BMPR1B: variants seen among roughly 807,000 people sequenced by gnomAD.
The protein encoded by BMPR1B is bone morphogenetic protein receptor type-1B.
A neutral mutation model predicts 59.1 loss-of-function variants in BMPR1B; 12 were observed. That is an observed-to-expected ratio of 0.20 (90% CI 0.13 to 0.33). The LOEUF is 0.33. Ranked by LOEUF, BMPR1B falls within the 10% of genes least tolerant of loss-of-function variation. The pLI, the probability that BMPR1B is intolerant of heterozygous loss-of-function variation, is 1.00. For synonymous variants in BMPR1B, 237 were observed against 207.3 expected, an observed-to-expected ratio of 1.14 and a Z score of -1.23; for missense variants, 550 against 610.9, an observed-to-expected ratio of 0.90 and a Z score of 1.05.
intron 2 of BMPR1B, among the ~76,000 whole-genome samples, chr4:94,938,587 T>C (rs1578825665): frequency 6.6e-6 from 1 of 152,188 alleles, no homozygotes; most frequent in South Asian, 2.1e-4. Context: ...TGTTGAAGCA[T>C]GTTGAATTGA....
chr4:95,051,843 C>T (rs1726528149), intron 3 of BMPR1B: 5 of 1,444,030 alleles, frequency 3.5e-6, no homozygotes, highest in Admixed American at 4.0e-5. Context: ...TGGCTTTTAT[C>T]GCAGAAGGGA....
intron 6 of BMPR1B, 140 bp from the exon 7 acceptor site, chr4:95,123,670 T>A (rs910735792): frequency 2.9e-6 from 2 of 685,762 alleles, no homozygotes; most frequent in Non-Finnish European, 4.9e-6. Flanking sequence ...TATGGGTTTT[T>A]AAAAAATTAA....
At chr4:94,935,406 C>T (rs980145273) in intron 2 of BMPR1B, among the ~76,000 whole-genome samples, 1 of 152,136 alleles carries the variant, frequency 6.6e-6, no homozygotes, top group African/African-American at 2.4e-5. Flanking sequence ...ATGTGTTGTG[C>T]ACATGCCAGG....
intron 10 of BMPR1B, among the ~76,000 whole-genome samples, chr4:95,136,350 G>A (rs1049182746): frequency 2.0e-5 from 3 of 152,134 alleles, no homozygotes; most frequent in Non-Finnish European, 4.4e-5. Flanking sequence ...TGTTCATCAG[G>A]GATATTGGGT....
At chr4:94,986,410 G>T (rs536602081) in intron 2 of BMPR1B, among the ~76,000 whole-genome samples, 1 of 152,110 alleles carries the variant, frequency 6.6e-6, no homozygotes, top group African/African-American at 2.4e-5. Flanking sequence ...TCTCATGAAC[G>T]TAAAGTTTTC....
At chr4:94,926,217 A>G (rs1011016791) in intron 2 of BMPR1B, among the ~76,000 whole-genome samples, 1 of 151,748 alleles carries the variant, frequency 6.6e-6, no homozygotes, top group Non-Finnish European at 1.5e-5. Flanking sequence ...TTTATGAAAA[A>G]TAGGTATGCT....
At chr4:94,950,899 C>G (rs1181534148) in intron 2 of BMPR1B, among the ~76,000 whole-genome samples, 3 of 152,160 alleles carry the variant, frequency 2.0e-5, no homozygotes, top group African/African-American at 7.2e-5. Context: ...AATATTGATT[C>G]TTCCTGTCCA....
rs115100284 is a variant in BMPR1B at position 94,882,343 on chromosome 4, C to T, written c.-113+6443C>T. ...TGTTTTCATATGGGAACAAGTATAG[C>T]TTTGCCTTAATCTTGGAAACAAGAA... On this transcript the variant is annotated intron_variant, in intron 2 of 12. Coordinates refer to ENST00000515059, the MANE Select transcript of BMPR1B (RefSeq NM_001203.3). Among the ~76,000 whole-genome samples, 967 of 152,256 alleles carry T rather than the reference C, an allele frequency of 6.4e-3. 12 individuals are homozygous for T. Among genetic ancestry groups the T allele is most frequent in the African/African-American group, 0.022 (932 of 41,546 alleles).
At chr4:94,916,034 C>T (rs1485395632) in intron 2 of BMPR1B, among the ~76,000 whole-genome samples, 1 of 152,146 alleles carries the variant, frequency 6.6e-6, no homozygotes, top group African/African-American at 2.4e-5. Flanking sequence ...CTCCCTGAGG[C>T]CTCCCAAGAA....
In BMPR1B at chr4:95,157,494, G is replaced by A. The variant is rs1320283169; in HGVS notation, c.*2821G>A. 4.0e-5 allele frequency: 6 copies of A among 151,864 alleles called. No individual in the cohort carries two copies. Among genetic ancestry groups the A allele is most frequent in the African/African-American group, 1.4e-4 (6 of 41,386 alleles). The allele number at this position is 151,864 out of a possible 1,614,324, so 9.4% of individuals were successfully genotyped here. A position where few individuals can be genotyped will look rare whatever the true frequency, so the allele number is the denominator to read the frequency against. On this transcript the variant is annotated 3_prime_UTR_variant, in exon 13 of 13. Coordinates refer to ENST00000515059, the MANE Select transcript of BMPR1B (RefSeq NM_001203.3). ...AATGTTGTTTATTGCTTACTGTCAG[G>A]ACTATTTCAAAGACTAAGAAGAGTT...
chr4:94,970,694 G>A (rs1294249412), intron 2 of BMPR1B, among the ~76,000 whole-genome samples: 2 of 152,028 alleles, frequency 1.3e-5, no homozygotes, highest in East Asian at 3.9e-4. Context: ...GGGTATATGT[G>A]ATATTTTGAT....
chr4:94,902,247 CACAGAGAGAGAG>C (rs1454380246), intron 2 of BMPR1B, among the ~76,000 whole-genome samples: 58 of 84,770 alleles, frequency 6.8e-4, no homozygotes, highest in Middle Eastern at 6.0e-3. Flanking sequence ...CACACACACA[CACAGAGAGAGAG>C]AGAGAGAGAG....
chr4:95,149,939 C>T (rs1306500549), intron 11 of BMPR1B, among the ~76,000 whole-genome samples: 2 of 152,206 alleles, frequency 1.3e-5, no homozygotes, highest in Non-Finnish European at 2.9e-5. Flanking sequence ...ATAATGAGAA[C>T]TGCCTGGCAC....
Position 95,131,331 on chromosome 4 carries a change from A to C in BMPR1B, c.895A>C (p.Lys299Gln), listed in dbSNP as rs762320529. The C allele has an allele frequency of 5.6e-6, 9 of 1,614,094 alleles. No individual in the cohort carries two copies. The highest frequency in any genetic ancestry group is 4.2e-6 in the Non-Finnish European group (5 of 1,180,008). Residue 299 changes from lysine (K) to glutamine (Q), a missense_variant, in exon 10 of 13, where the codon AAA becomes CAA. Transcript: ENST00000515059. ...DYLKSTTLDA[K>Q]SMLKLAYSSV... The stretch of plus-strand genomic sequence containing the variant: ...TCTGAAGTCCACCACCCTAGACGCT[A>C]AATCAATGCTGAAGTTAGCCTACTC...
intron 3 of BMPR1B, among the ~76,000 whole-genome samples, chr4:95,007,909 A>G (rs1722964539): frequency 1.3e-5 from 2 of 152,164 alleles, no homozygotes; most frequent in African/African-American, 4.8e-5. Flanking sequence ...AAAAGTTATG[A>G]GAGTGTTATT....
At chr4:95,027,692 A>T (rs888351336) in intron 3 of BMPR1B, among the ~76,000 whole-genome samples, 7 of 152,184 alleles carry the variant, frequency 4.6e-5, no homozygotes, top group Non-Finnish European at 1.0e-4. Flanking sequence ...ATATAATAGA[A>T]CTGTTTTTAC....
Position 95,041,860 on chromosome 4 carries a change from CT to C in BMPR1B, c.-18+45738del, listed in dbSNP as rs199591225. ...ATCTGAAATACTCCAAAATCCAAAA[CT>C]TTTTTTTTTTTGAGACGGAGTCTTG... On this transcript the variant is annotated intron_variant, in intron 3 of 12. Coordinates refer to ENST00000515059, the MANE Select transcript of BMPR1B (RefSeq NM_001203.3). Among the ~76,000 whole-genome samples the C allele has an allele frequency of 5.6e-4, 82 of 146,368 alleles. 2 individuals carry two copies. The East Asian group carries it at 8.6e-3, about 15-fold the overall frequency.
intron 2 of BMPR1B, among the ~76,000 whole-genome samples, chr4:94,878,699 A>C (rs938752014): frequency 6.7e-6 from 1 of 149,438 alleles, no homozygotes; most frequent in Non-Finnish European, 1.5e-5. Flanking sequence ...AGTCCAAACC[A>C]GTGGCCTCCC....
chr4:94,842,756 CTT>C (rs1725141239), intron 1 of BMPR1B, among the ~76,000 whole-genome samples: 1 of 152,176 alleles, frequency 6.6e-6, no homozygotes, highest in Admixed American at 6.5e-5. Flanking sequence ...GAATTGAACT[CTT>C]AACCCCAGGT....
Sources: gnomAD v4.1 joint callset for allele counts (sites outside exome capture counted in the v4.1 genomes callset) on GRCh38, gnomAD v4.1.1 for gene constraint, MANE v1.5 for transcripts, NCBI Gene and HGNC (gene_info 2026-07-23, HGNC 2026-07-21) for gene names.